Variants in SIPA1L1 observed in about 807,000 individuals in gnomAD.
SIPA1L1 encodes the protein signal induced proliferation associated 1 like 1.
Under a neutral mutation model 162.7 loss-of-function variants are expected in SIPA1L1, and 26 were observed. That is an observed-to-expected ratio of 0.16 (90% CI 0.12 to 0.22). The LOEUF (loss-of-function observed/expected upper bound fraction) is 0.22, where lower values mean the gene tolerates loss of function less well. Among genes scored for constraint, SIPA1L1 ranks in the 10% least tolerant of loss-of-function variants. SIPA1L1 has a pLI of 1.00. For synonymous variants in SIPA1L1, 829 were observed against 837.4 expected (o/e 0.99, Z 0.17); for missense variants, 1,874 against 2,241.0 (o/e 0.84, Z 3.31).
At chr14:71,713,083 G>A (rs1327873079) in intron 17 of SIPA1L1, among the ~76,000 whole-genome samples, 3 of 152,168 alleles carry the variant, frequency 2.0e-5, no homozygotes, top group Non-Finnish European at 2.9e-5. Context: ...AGCTGGGCAC[G>A]GTGACATGGG....
At chr14:71,334,969 T>C (rs2034932458) in intron 2 of SIPA1L1, among the ~76,000 whole-genome samples, 1 of 152,228 alleles carries the variant, frequency 6.6e-6, no homozygotes, top group African/African-American at 2.4e-5. Flanking sequence ...TGTAGTACTT[T>C]TATAATCTAT....
At chr14:71,372,807 A>G (rs35468256) in intron 2 of SIPA1L1, among the ~76,000 whole-genome samples, 24,835 of 152,198 alleles carry the variant, frequency 0.16, 2,650 homozygotes, top group Middle Eastern at 0.34. Context: ...CTTTACAAAC[A>G]CAGGAATAAG....
chr14:71,676,049 G>A (rs1210694938), intron 12 of SIPA1L1, among the ~76,000 whole-genome samples: 1 of 138,090 alleles, frequency 7.2e-6, no homozygotes, highest in East Asian at 2.2e-4. Context: ...TTGAGGTCAG[G>A]AGTTTGAGAC....
At chr14:71,521,819 A>G (rs987213326) in intron 3 of SIPA1L1, among the ~76,000 whole-genome samples, 1 of 152,224 alleles carries the variant, frequency 6.6e-6, no homozygotes, top group African/African-American at 2.4e-5. Context: ...TCTTAGTGAC[A>G]TGGTTTTAAT....
chr14:71,504,982 G>A (rs2050539041), intron 2 of SIPA1L1, among the ~76,000 whole-genome samples: 1 of 152,176 alleles, frequency 6.6e-6, no homozygotes, highest in Non-Finnish European at 1.5e-5. Context: ...GCAATGAAAA[G>A]CCATGTTGTG....
chr14:71,488,209 C>T (rs1179165816), intron 2 of SIPA1L1, among the ~76,000 whole-genome samples: 1 of 152,156 alleles, frequency 6.6e-6, no homozygotes, highest in Non-Finnish European at 1.5e-5. Flanking sequence ...TTGTTAGTGA[C>T]ATGTACAAAT....
chr14:71,616,018 C>T (rs927529717), intron 5 of SIPA1L1, among the ~76,000 whole-genome samples: 1 of 151,834 alleles, frequency 6.6e-6, no homozygotes, highest in African/African-American at 2.4e-5. Context: ...TAAACAACAA[C>T]AAAACCAAAA....
At chr14:71,334,537 C>T (rs961248711) in intron 2 of SIPA1L1, among the ~76,000 whole-genome samples, 2 of 152,118 alleles carry the variant, frequency 1.3e-5, no homozygotes, top group South Asian at 4.1e-4. Flanking sequence ...TGTGTAGAAC[C>T]ATACTTGAGA....
chr14:71,553,199 A>G (rs1403538440), intron 4 of SIPA1L1, among the ~76,000 whole-genome samples: 1 of 152,232 alleles, frequency 6.6e-6, no homozygotes, highest in African/African-American at 2.4e-5. Flanking sequence ...GGGTGAATGT[A>G]GCAGATTTTT....
rs902874522 is a variant in SIPA1L1, at chr14:71,379,817, C to T, written c.-465+58636C>T. On this transcript the variant is annotated intron_variant, in intron 2 of 23. Transcript: ENST00000381232. ...AGTGGTGTTTACTTTCTTTGTGCTT[C>T]GTTTGGTAGACATTGAGCAGTATTT... Among the ~76,000 whole-genome samples, 25 of 152,306 alleles carry T rather than the reference C, an allele frequency of 1.6e-4. 1 individual carries two copies. Among genetic ancestry groups the T allele is most frequent in the Admixed American group, 1.0e-3 (16 of 15,304 alleles).
chr14:71,479,390 T>TATTC (rs978606131), intron 2 of SIPA1L1, among the ~76,000 whole-genome samples: 5 of 152,006 alleles, frequency 3.3e-5, no homozygotes, highest in Non-Finnish European at 5.9e-5. Context: ...TATATGTATG[T>TATTC]ATTCATTCAT....
intron 2 of SIPA1L1, among the ~76,000 whole-genome samples, chr14:71,409,474 G>T (rs1289340496): frequency 6.6e-6 from 1 of 152,138 alleles, no homozygotes; most frequent in Non-Finnish European, 1.5e-5. Flanking sequence ...AATAAACATT[G>T]AAGTTAATGG....
chr14:71,525,463 G>C (rs775844407), intron 3 of SIPA1L1, among the ~76,000 whole-genome samples: 41 of 152,300 alleles, frequency 2.7e-4, no homozygotes, highest in Non-Finnish European at 4.9e-4. Flanking sequence ...GATTACAGGC[G>C]TGAGCCACTG....
intron 8 of SIPA1L1, among the ~76,000 whole-genome samples, chr14:71,656,955 A>G (rs1332705228): frequency 4.6e-5 from 7 of 152,224 alleles, no homozygotes; most frequent in Admixed American, 1.3e-4. Context: ...GATGCTGTGC[A>G]TACTAAGTTT....
At chr14:71,458,092 CT>C (rs2046320562) in intron 2 of SIPA1L1, among the ~76,000 whole-genome samples, 1 of 151,566 alleles carries the variant, frequency 6.6e-6, no homozygotes. Context: ...CTGGTTATTA[CT>C]TTTTGTGTCT....
intron 8 of SIPA1L1, among the ~76,000 whole-genome samples, chr14:71,652,439 A>T (rs2042701348): frequency 6.6e-6 from 1 of 152,344 alleles, no homozygotes; most frequent in South Asian, 2.1e-4. Flanking sequence ...TTTCAGAACA[A>T]ATGTTCAAGG....
Position 71,377,991 on chromosome 14 carries a change from GGAGACAGTGGAAAGAAGGAGAGGGA to G in SIPA1L1, c.-465+56814_-465+56838del, listed in dbSNP as rs1257194870. ...CAGGAGATGGAGACGAGGGAGAGGG[GGAGACAGTGGAAAGAAGGAGAGGGA>G]GAGGGAGAGCTAATCTTCTTAAATG... On this transcript the variant is annotated intron_variant, in intron 2 of 23. Coordinates refer to ENST00000381232, the MANE Select transcript of SIPA1L1 (RefSeq NM_001386936.1). This position sits in a 1 kb window ranked among gnomAD's most constrained non-coding sequence, Gnocchi z 4.8. Among the ~76,000 whole-genome samples the G allele has an allele frequency of 1.3e-5, 2 of 152,110 alleles. No individual in the cohort carries two copies. The highest frequency in any genetic ancestry group is 3.9e-4 in the East Asian group (2 of 5,180).
At chr14:71,590,799 G>T (rs1205985641) in intron 5 of SIPA1L1, among the ~76,000 whole-genome samples, 1 of 152,146 alleles carries the variant, frequency 6.6e-6, no homozygotes, top group African/African-American at 2.4e-5. Context: ...GCATTTGGGG[G>T]TGCGATGATT....
At chr14:71,696,394 G>A (rs1348171012) in intron 13 of SIPA1L1, among the ~76,000 whole-genome samples, 1 of 152,192 alleles carries the variant, frequency 6.6e-6, no homozygotes. Context: ...ACTCACATGG[G>A]TGTCTGGGCT....
Sources: gnomAD v4.1 joint callset for allele counts (sites outside exome capture counted in the v4.1 genomes callset) on GRCh38, gnomAD v4.1.1 for gene constraint, Gnocchi (gnomAD v3.1) non-coding constraint, MANE v1.5 for transcripts, NCBI Gene and HGNC (gene_info 2026-07-23, HGNC 2026-07-21) for gene names.